The following PRUNE2 variants were observed in gnomAD, a reference collection of about 807,000 sequenced individuals.
PRUNE2 encodes protein prune homolog 2.
Under a neutral mutation model 252.0 loss-of-function variants are expected in PRUNE2, and 164 were observed. The ratio of observed to expected loss-of-function variants is 0.65; its 90% CI spans 0.57 to 0.74. The LOEUF is 0.74. Among genes scored for constraint, PRUNE2 ranks in the 30% least tolerant of loss-of-function variants. PRUNE2 has a pLI of 0.00. For synonymous variants in PRUNE2, 1,292 were observed against 1,350.2 expected, an observed-to-expected ratio of 0.96 and a Z score of 0.94; for missense variants, 3,495 against 3,711.0, an observed-to-expected ratio of 0.94 and a Z score of 1.51.
intron 6 of PRUNE2, among the ~76,000 whole-genome samples, chr9:76,726,975 C>T (rs2048154801): frequency 6.6e-6 from 1 of 152,194 alleles, no homozygotes; most frequent in South Asian, 2.1e-4. Flanking sequence ...GGGCTCTAAG[C>T]AAGCCAAATA....
At chr9:76,769,727 C>T (rs780446518) in intron 6 of PRUNE2, among the ~76,000 whole-genome samples, 4 of 152,172 alleles carry the variant, frequency 2.6e-5, no homozygotes, top group Middle Eastern at 3.4e-3. Flanking sequence ...CAATATATGT[C>T]GTTATATTCT....
At chr9:76,766,603 T>C (rs967350393) in intron 6 of PRUNE2, among the ~76,000 whole-genome samples, 4 of 152,310 alleles carry the variant, frequency 2.6e-5, no homozygotes, top group African/African-American at 4.8e-5. Flanking sequence ...TTTCCTTCCA[T>C]GTTTTGGTCC....
chr9:76,804,013 T>C (rs368453431), intron 6 of PRUNE2, among the ~76,000 whole-genome samples: 16 of 152,080 alleles, frequency 1.1e-4, no homozygotes, highest in African/African-American at 3.9e-4. Context: ...GAGAACTGCA[T>C]TGTGTTCACT....
chr9:76,807,794 A>C (rs1293868229), intron 6 of PRUNE2, among the ~76,000 whole-genome samples: 1 of 152,246 alleles, frequency 6.6e-6, no homozygotes, highest in Non-Finnish European at 1.5e-5. Context: ...AATTAACTAA[A>C]GCTCTCGTCC....
At chr9:76,730,775 C>T (rs1420743935) in intron 6 of PRUNE2, among the ~76,000 whole-genome samples, 4 of 152,164 alleles carry the variant, frequency 2.6e-5, no homozygotes, top group South Asian at 2.1e-4. Flanking sequence ...TGGTGGCACA[C>T]GCCTGTAATC....
At chr9:76,695,723 A>G (rs1322636462) in intron 9 of PRUNE2, among the ~76,000 whole-genome samples, 1 of 152,192 alleles carries the variant, frequency 6.6e-6, no homozygotes, top group African/African-American at 2.4e-5. Flanking sequence ...TTTCTTTTCT[A>G]TTCATTCAAT....
intron 6 of PRUNE2, among the ~76,000 whole-genome samples, chr9:76,803,313 G>A (rs936969375): frequency 6.6e-6 from 1 of 152,206 alleles, no homozygotes; most frequent in African/African-American, 2.4e-5. Context: ...TGTGTGGAAT[G>A]TGAAAAGGGA....
chr9:76,791,304 CCAATTATCATTGGTA>C, intron 6 of PRUNE2, among the ~76,000 whole-genome samples: 1 of 90,022 alleles, frequency 1.1e-5, no homozygotes, highest in Non-Finnish European at 2.2e-5. Flanking sequence ...TAATACTGCA[CCAATTATCATTGGTA>C]CAATAATACT....
intron 6 of PRUNE2, among the ~76,000 whole-genome samples, chr9:76,780,962 T>C (rs2054322720): frequency 6.6e-6 from 1 of 152,190 alleles, no homozygotes; most frequent in Admixed American, 6.5e-5. Flanking sequence ...ACCAAGTTTT[T>C]ATGCTACGTA....
Position 76,703,324 on chromosome 9 carries a change from G to C in PRUNE2, c.8276+13C>G, listed in dbSNP as rs2046046918. The C allele has an allele frequency of 6.5e-7, 1 of 1,549,768 alleles. No individual in the cohort carries two copies. Among genetic ancestry groups the C allele is most frequent in the Non-Finnish European group, 8.7e-7 (1 of 1,151,090 alleles). ...CTTTTCAGGAAAAAAAATAAATCTA[G>C]CTTTTTGCTTACCCATTTGGTCTTG... On this transcript the variant is annotated intron_variant, in intron 9 of 18. Coordinates refer to ENST00000376718, the MANE Select transcript of PRUNE2 (RefSeq NM_015225.3).
chr9:76,820,333 A>G (rs114299409), intron 6 of PRUNE2, among the ~76,000 whole-genome samples: 138 of 152,340 alleles, frequency 9.1e-4, no homozygotes, highest in African/African-American at 3.3e-3. Flanking sequence ...TGAGATAACT[A>G]CAATAAAAAT....
chr9:76,621,873 A>T (rs964342101), intron 17 of PRUNE2, among the ~76,000 whole-genome samples: 3 of 151,924 alleles, frequency 2.0e-5, no homozygotes, highest in Non-Finnish European at 4.4e-5. Flanking sequence ...TTTTGTAGAG[A>T]TGGAGTCCTG....
At chr9:76,681,341 C>A (rs909184307) in intron 9 of PRUNE2, among the ~76,000 whole-genome samples, 1 of 151,240 alleles carries the variant, frequency 6.6e-6, no homozygotes, top group African/African-American at 2.4e-5. Flanking sequence ...GAAATGAAAA[C>A]GTTCTGGAGA....
At chr9:76,831,123 G>A (rs139272716) in intron 4 of PRUNE2, among the ~76,000 whole-genome samples, 3,278 of 151,950 alleles carry the variant, frequency 0.022, 47 homozygotes, top group Middle Eastern at 0.037. Flanking sequence ...TAGAGATGGG[G>A]TTTCACCATG....
chr9:76,887,159 C>G lies in PRUNE2; in HGVS notation c.36+18769G>C, dbSNP rs535404806. On this transcript the variant is annotated intron_variant, in intron 1 of 18. Transcript: ENST00000376718. ...ATTCCATAAATGCTTCCCTGGTGAC[C>G]TAAAGGAATTCACCTAGCTTCCCCA... Among the ~76,000 whole-genome samples, 51 of 152,178 alleles carry G rather than the reference C, an allele frequency of 3.4e-4. No individual in the cohort carries two copies. The South Asian group carries it at 6.2e-3, about 19-fold the overall frequency.
At chr9:76,822,876 A>G (rs1052609289) in intron 6 of PRUNE2, among the ~76,000 whole-genome samples, 1 of 152,198 alleles carries the variant, frequency 6.6e-6, no homozygotes, top group African/African-American at 2.4e-5. Context: ...CCTATAGAGC[A>G]TATTTCATCT....
At chr9:76,795,222 G>T (rs1031998235) in intron 6 of PRUNE2, among the ~76,000 whole-genome samples, 3 of 151,474 alleles carry the variant, frequency 2.0e-5, no homozygotes, top group African/African-American at 7.3e-5. Context: ...CAGTATCTCG[G>T]GCACACATGT....
intron 4 of PRUNE2, among the ~76,000 whole-genome samples, chr9:76,840,853 C>A (rs1466291920): frequency 6.6e-6 from 1 of 152,062 alleles, no homozygotes; most frequent in Non-Finnish European, 1.5e-5. Flanking sequence ...TTGTGGCAGG[C>A]ACCTGTAATC....
intron 1 of PRUNE2, among the ~76,000 whole-genome samples, chr9:76,858,032 T>C (rs926394594): frequency 7.2e-5 from 11 of 152,206 alleles, no homozygotes; most frequent in Non-Finnish European, 5.9e-5. Context: ...TGTCCCTTGA[T>C]ACAGTTCAAA....
Sources: allele counts gnomAD v4.1 joint callset (sites outside exome capture counted in the v4.1 genomes callset), GRCh38; gene constraint gnomAD v4.1.1; transcripts MANE v1.5; gene names NCBI Gene and HGNC (gene_info 2026-07-23, HGNC 2026-07-21).